The following SLC15A2 variants were observed in gnomAD, a reference collection of about 807,000 sequenced individuals.
The protein encoded by SLC15A2 is solute carrier family 15 member 2, also known as kidney H(+)/peptide cotransporter.
Under a neutral mutation model 95.5 loss-of-function variants are expected in SLC15A2, and 77 were observed. The ratio of observed to expected loss-of-function variants is 0.81; its 90% CI spans 0.67 to 0.97. The LOEUF (loss-of-function observed/expected upper bound fraction) is 0.97, where lower values mean the gene tolerates loss of function less well. Ranked by LOEUF, SLC15A2 falls within the 50% of genes least tolerant of loss-of-function variation. The probability of loss-of-function intolerance (pLI) is 0.00; values close to 1 mark genes in which losing one functional copy is unlikely to be tolerated. For missense variants in SLC15A2, 893 were observed against 874.4 expected (o/e 1.02, Z -0.27); for synonymous variants, 306 against 306.9 (o/e 1.00, Z 0.03).
intron 7 of SLC15A2, among the ~76,000 whole-genome samples, chr3:121,917,325 C>G (rs572297967): frequency 1.3e-5 from 2 of 152,256 alleles, no homozygotes; most frequent in Non-Finnish European, 2.9e-5. Flanking sequence ...CAGTATTTCC[C>G]AGATCAATAT....
chr3:121,939,394 G>A lies in SLC15A2; in HGVS notation c.1807G>A (p.Ala603Thr). Residue 603 changes from alanine (A) to threonine (T), a missense_variant, in exon 20 of 22, where the codon GCC becomes ACC. Transcript: ENST00000489711. The part of the protein sequence containing the change: ...LQAWKIEDIP[A>T]NKMSIAWQLP... ...GGCCTGGAAGATTGAAGACATTCCA[G>A]CCAACAAAATGTCCATTGCGTGGCA... 6.3e-7 allele frequency: 1 copy of A among 1,580,196 alleles called. No homozygotes were observed. Among genetic ancestry groups the A allele is most frequent in the Admixed American group, 1.8e-5 (1 of 54,666 alleles).
chr3:121,937,931 A>G (rs146739130), intron 19 of SLC15A2, among the ~76,000 whole-genome samples: 1 of 150,772 alleles, frequency 6.6e-6, no homozygotes. Context: ...GGTGATGTAC[A>G]GATGGGTTTT....
At chr3:121,894,618 T>G (rs1055298790) in intron 1 of SLC15A2, 37 bp downstream of exon 1, 3 of 1,522,054 alleles carry the variant, frequency 2.0e-6, no homozygotes, top group Non-Finnish European at 2.7e-6. Flanking sequence ...CTGAGAGGAA[T>G]GGCCTCCCTC....
intron 3 of SLC15A2, among the ~76,000 whole-genome samples, chr3:121,898,218 C>T (rs1262306848): frequency 6.6e-6 from 1 of 151,840 alleles, no homozygotes. Context: ...GATACTTTCT[C>T]CATCTCTTCT....
chr3:121,940,159 A>T (rs1710433418), intron 20 of SLC15A2, among the ~76,000 whole-genome samples: 1 of 152,134 alleles, frequency 6.6e-6, no homozygotes, highest in Non-Finnish European at 1.5e-5. Flanking sequence ...ATCTCTTAGG[A>T]TTGTAATGAA....
intron 3 of SLC15A2, among the ~76,000 whole-genome samples, chr3:121,908,285 G>T (rs1709695703): frequency 6.6e-6 from 1 of 152,222 alleles, no homozygotes; most frequent in Admixed American, 6.5e-5. Flanking sequence ...GGTACAGTCT[G>T]TCACGGCTTC....
intron 11 of SLC15A2, 86 bp from the exon 12 acceptor site, chr3:121,924,265 C>A: frequency 8.7e-7 from 1 of 1,151,136 alleles, no homozygotes; most frequent in South Asian, 1.3e-5. Flanking sequence ...TTCTCACTTG[C>A]TAACTAGCAA....
rs959567322 is a variant in SLC15A2, at chr3:121,942,857, C to T, written c.*1850C>T. The T allele has an allele frequency of 6.6e-6, 1 of 152,194 alleles. No individual in the cohort carries two copies. The highest frequency in any genetic ancestry group is 1.5e-5 in the Non-Finnish European group (1 of 68,028). 9.4% of individuals were successfully genotyped at this position (152,194 alleles called of 1,614,324 possible). On this transcript the variant is annotated 3_prime_UTR_variant, in exon 22 of 22. Coordinates refer to ENST00000489711, the MANE Select transcript of SLC15A2 (RefSeq NM_021082.4). ...GATACCTTGTTTAAATTAACATGTA[C>T]GCTGCAGAACATTGGTTTGGAAAAA... is the stretch of plus-strand genomic sequence containing the variant.
At chr3:121,907,013 A>G (rs1709662514) in intron 3 of SLC15A2, among the ~76,000 whole-genome samples, 1 of 152,050 alleles carries the variant, frequency 6.6e-6, no homozygotes, top group African/African-American at 2.4e-5. Flanking sequence ...TGGTCTTTTT[A>G]CATAGTCCTA....
chr3:121,898,736 T>C (rs1709467442), intron 3 of SLC15A2, among the ~76,000 whole-genome samples: 1 of 152,232 alleles, frequency 6.6e-6, no homozygotes. Context: ...GGTTGTAGTA[T>C]GTAGTGTTTC....
chr3:121,919,110 G>C (rs1019228532), intron 7 of SLC15A2, among the ~76,000 whole-genome samples: 5 of 152,218 alleles, frequency 3.3e-5, no homozygotes, highest in Non-Finnish European at 7.3e-5. Context: ...CTCCTGCTCA[G>C]GGAGTCCCAA....
At chr3:121,914,597 T>C (rs934395259) in intron 5 of SLC15A2, among the ~76,000 whole-genome samples, 5 of 152,210 alleles carry the variant, frequency 3.3e-5, no homozygotes, top group Admixed American at 3.3e-4. Flanking sequence ...TTTAACTAAA[T>C]CAGGCATTCA....
At chr3:121,923,358 C>G in intron 11 of SLC15A2, 92 bp downstream of exon 11, 1 of 1,251,648 alleles carries the variant, frequency 8.0e-7, no homozygotes, top group Non-Finnish European at 1.2e-6. Flanking sequence ...TGCCTGAAAA[C>G]TAACAAGATC....
intron 19 of SLC15A2, among the ~76,000 whole-genome samples, chr3:121,934,505 A>G (rs1182439674): frequency 6.6e-6 from 1 of 151,210 alleles, no homozygotes; most frequent in African/African-American, 2.4e-5. Flanking sequence ...ATTCCTAGGT[A>G]TTTTATTCTC....
At chr3:121,939,201 C>T (rs1710412158) in intron 19 of SLC15A2, 148 bp from the exon 20 acceptor site, 1 of 563,544 alleles carries the variant, frequency 1.8e-6, no homozygotes, top group Non-Finnish European at 2.8e-6. Context: ...TTTTGAAAAG[C>T]TGGAATTGTG....
At chr3:121,905,050 A>G (rs1419754888) in intron 3 of SLC15A2, among the ~76,000 whole-genome samples, 1 of 152,036 alleles carries the variant, frequency 6.6e-6, no homozygotes, top group Non-Finnish European at 1.5e-5. Context: ...CTATTCAGAG[A>G]TTCAACTTCT....
chr3:121,895,606 A>C (rs1709400952), intron 1 of SLC15A2, among the ~76,000 whole-genome samples: 1 of 152,210 alleles, frequency 6.6e-6, no homozygotes, highest in Non-Finnish European at 1.5e-5. Flanking sequence ...ATCTTACAAG[A>C]TTTGACTGTA....
At chr3:121,922,662 GA>G (rs1710029109) in intron 8 of SLC15A2, 112 bp from the exon 9 acceptor site, 4 of 650,140 alleles carry the variant, frequency 6.2e-6, no homozygotes, top group Non-Finnish European at 1.0e-5. Context: ...TTAGGTCAAA[GA>G]GTTGGAATAA....
chr3:121,898,969 A>G (rs1215111653), intron 3 of SLC15A2, among the ~76,000 whole-genome samples: 2 of 152,182 alleles, frequency 1.3e-5, no homozygotes, highest in African/African-American at 2.4e-5. Flanking sequence ...GCTGAGATCT[A>G]CATTTGCTAC....
Sources: gnomAD v4.1 joint callset for allele counts (sites outside exome capture counted in the v4.1 genomes callset) on GRCh38, gnomAD v4.1.1 for gene constraint, MANE v1.5 for transcripts, NCBI Gene and HGNC (gene_info 2026-07-23, HGNC 2026-07-21) for gene names.